GATB: variants seen among roughly 807,000 people sequenced by gnomAD.
The protein encoded by GATB is glutamyl-tRNA amidotransferase subunit B, also known as glutamyl-tRNA(Gln) amidotransferase subunit B, mitochondrial.
A neutral mutation model predicts 62.3 loss-of-function variants in GATB; 39 were observed. That is an observed-to-expected ratio of 0.63 (90% CI 0.48 to 0.82). The LOEUF (loss-of-function observed/expected upper bound fraction) is 0.82, where lower values mean the gene tolerates loss of function less well. GATB is among the 40% of genes least tolerant of loss of function. The pLI is 0.00. For synonymous variants in GATB, 276 were observed against 258.9 expected (o/e 1.07, Z -0.63); for missense variants, 670 against 684.0 (o/e 0.98, Z 0.23).
At chr4:151,739,363 G>T (rs1739440346) in intron 2 of GATB, among the ~76,000 whole-genome samples, 1 of 152,128 alleles carries the variant, frequency 6.6e-6, no homozygotes, top group African/African-American at 2.4e-5. Flanking sequence ...ACCTACCCAT[G>T]CCAGAATCAC....
intron 5 of GATB, 21 bp downstream of exon 5, chr4:151,715,988 T>C: frequency 1.9e-6 from 3 of 1,609,674 alleles, no homozygotes; most frequent in Non-Finnish European, 2.5e-6. Context: ...GAAAGAAGAA[T>C]ACTGCTTCTG....
At chr4:151,708,439 A>G (rs1157716352) in intron 5 of GATB, among the ~76,000 whole-genome samples, 5 of 152,220 alleles carry the variant, frequency 3.3e-5, no homozygotes, top group African/African-American at 9.6e-5. Flanking sequence ...AAACTATTAA[A>G]ATGGAGATTG....
intron 2 of GATB, among the ~76,000 whole-genome samples, chr4:151,748,521 T>C (rs1364402344): frequency 6.6e-6 from 1 of 152,144 alleles, no homozygotes; most frequent in Non-Finnish European, 1.5e-5. Context: ...TCAAGATGGA[T>C]TAAAGACTTA....
intron 8 of GATB, among the ~76,000 whole-genome samples, chr4:151,702,294 C>T (rs910829706): frequency 6.6e-6 from 1 of 152,014 alleles, no homozygotes; most frequent in African/African-American, 2.4e-5. Context: ...AAAAATTTAC[C>T]CTTGAGAAAT....
intron 2 of GATB, among the ~76,000 whole-genome samples, chr4:151,729,409 GA>G (rs1326908115): frequency 6.6e-6 from 1 of 152,102 alleles, no homozygotes. Context: ...TTTATTGGGG[GA>G]AAAATAAAGG....
At chr4:151,729,120 C>CTAAG (rs1739193783) in intron 2 of GATB, among the ~76,000 whole-genome samples, 1 of 152,126 alleles carries the variant, frequency 6.6e-6, no homozygotes, top group South Asian at 2.1e-4. Flanking sequence ...ATCTTAGAGG[C>CTAAG]TTCTTAGTAA....
intron 8 of GATB, chr4:151,703,266 G>A (rs773202130): frequency 3.3e-5 from 5 of 152,494 alleles, no homozygotes; most frequent in Admixed American, 2.0e-4. Flanking sequence ...AAAGGTGGCC[G>A]ATCTCACAAC....
intron 2 of GATB, among the ~76,000 whole-genome samples, chr4:151,744,421 A>T (rs1475358937): frequency 6.6e-6 from 1 of 152,148 alleles, no homozygotes; most frequent in East Asian, 1.9e-4. Context: ...AAAACATAAA[A>T]AGATGTTCAG....
intron 2 of GATB, among the ~76,000 whole-genome samples, chr4:151,749,857 C>A (rs1329098264): frequency 1.3e-5 from 2 of 151,880 alleles, no homozygotes; most frequent in Non-Finnish European, 2.9e-5. Context: ...CCCCTTATAT[C>A]TTTATTCCTT....
chr4:151,707,979 G>A lies in GATB; in HGVS notation c.877+9C>T. On this transcript the variant is annotated intron_variant, in intron 6 of 12. Coordinates refer to ENST00000263985, the MANE Select transcript of GATB (RefSeq NM_004564.3). ...AAGAAGGACACTAGGAGCGGCAGCT[G>A]GCATTCACCTATGGCTTTGGCCAGG... 6.4e-7 allele frequency: 1 copy of A among 1,563,046 alleles called. No individual in the cohort carries two copies. The highest frequency in any genetic ancestry group is 8.8e-7 in the Non-Finnish European group (1 of 1,133,558).
At chr4:151,726,942 G>A (rs966322314) in intron 2 of GATB, among the ~76,000 whole-genome samples, 1 of 152,098 alleles carries the variant, frequency 6.6e-6, no homozygotes, top group Admixed American at 6.5e-5. Context: ...TTTGAGACAA[G>A]GTCTTACTCT....
At chr4:151,687,892 C>G (rs1389461980) in intron 10 of GATB, among the ~76,000 whole-genome samples, 1 of 152,174 alleles carries the variant, frequency 6.6e-6, no homozygotes, top group Non-Finnish European at 1.5e-5. Flanking sequence ...GTTGCTGAAG[C>G]CACCCAGTCT....
chr4:151,705,087 C>CG, intron 7 of GATB, 98 bp downstream of exon 7: 2 of 759,974 alleles, frequency 2.6e-6, no homozygotes, highest in South Asian at 3.2e-5. Context: ...GGAGACGCTA[C>CG]GTGCCTCCTT....
chr4:151,732,139 A>C (rs1475261118), intron 2 of GATB, among the ~76,000 whole-genome samples: 95 of 149,494 alleles, frequency 6.4e-4, no homozygotes, highest in Non-Finnish European at 1.2e-3. Flanking sequence ...CCCGTCCAGG[A>C]GGTGGGGGGC....
intron 2 of GATB, among the ~76,000 whole-genome samples, chr4:151,731,287 GTAT>G (rs1392194006): frequency 6.6e-6 from 1 of 152,190 alleles, no homozygotes; most frequent in Non-Finnish European, 1.5e-5. Context: ...ACTGGTTTTC[GTAT>G]TTTTTTGGTG....
At chr4:151,701,560 G>A in intron 8 of GATB, 42 bp from the exon 9 acceptor site, 2 of 1,351,868 alleles carry the variant, frequency 1.5e-6, no homozygotes, top group Non-Finnish European at 1.9e-6. Flanking sequence ...TGGAGTACTT[G>A]GATTAATGAG....
chr4:151,747,122 A>T (rs976359229), intron 2 of GATB, among the ~76,000 whole-genome samples: 1 of 152,208 alleles, frequency 6.6e-6, no homozygotes, highest in Non-Finnish European at 1.5e-5. Context: ...TGCCTGCCAC[A>T]TGGTAAGCAC....
At chr4:151,754,370 T>C (rs908712271) in intron 2 of GATB, among the ~76,000 whole-genome samples, 1 of 152,248 alleles carries the variant, frequency 6.6e-6, no homozygotes, top group Non-Finnish European at 1.5e-5. Context: ...TGTTGAATAC[T>C]CTTCCTATGT....
intron 11 of GATB, among the ~76,000 whole-genome samples, chr4:151,679,247 CTAGCACT>C (rs1236862120): frequency 3.9e-5 from 6 of 152,226 alleles, no homozygotes; most frequent in African/African-American, 1.4e-4. Context: ...TGTCAACTGC[CTAGCACT>C]TAGGCAGAGG....
Sources: allele counts gnomAD v4.1 joint callset (sites outside exome capture counted in the v4.1 genomes callset), GRCh38; gene constraint gnomAD v4.1.1; transcripts MANE v1.5; gene names NCBI Gene and HGNC (gene_info 2026-07-23, HGNC 2026-07-21).